The following GBE1 variants were observed in gnomAD, a reference collection of about 807,000 sequenced individuals.
GBE1 encodes 1,4-alpha-glucan branching enzyme 1, also known as 1,4-alpha-glucan-branching enzyme.
GBE1 carries 70 observed loss-of-function variants against 88.8 expected under a neutral mutation model. That is an observed-to-expected ratio of 0.79 (90% confidence interval 0.65 to 0.96). The LOEUF is 0.96. GBE1 is among the 40% of genes least tolerant of loss of function. The pLI is 0.00. For missense variants in GBE1, 872 were observed against 871.0 expected, an observed-to-expected ratio of 1.00 and a Z score of -0.01; for synonymous variants, 284 against 300.1, an observed-to-expected ratio of 0.95 and a Z score of 0.56.
At chr3:81,686,516 G>A (rs1021627041) in intron 2 of GBE1, among the ~76,000 whole-genome samples, 1 of 152,180 alleles carries the variant, frequency 6.6e-6, no homozygotes, top group African/African-American at 2.4e-5. Context: ...CAGCACTTCA[G>A]GAGGCTGAGG....
chr3:81,761,175 G>C (rs1165131408), intron 1 of GBE1, among the ~76,000 whole-genome samples, 200 bp downstream of exon 1: 1 of 152,228 alleles, frequency 6.6e-6, no homozygotes, highest in Non-Finnish European at 1.5e-5. Flanking sequence ...CGCCCGCTCC[G>C]GGCACCAGCG....
chr3:81,715,363 C>T (rs911061243), intron 1 of GBE1, among the ~76,000 whole-genome samples: 7 of 152,150 alleles, frequency 4.6e-5, no homozygotes, highest in Non-Finnish European at 8.8e-5. Flanking sequence ...TCTCACTGTT[C>T]TTCAAAATGA....
Position 81,491,007 on chromosome 3 carries a change from C to T in GBE1, c.2053-544G>A, listed in dbSNP as rs373509667. Among the ~76,000 whole-genome samples, 85 of 152,210 alleles carry T rather than the reference C, an allele frequency of 5.6e-4. 1 individual carries two copies. The South Asian group carries it at 0.014, about 24-fold the overall frequency. ...CTCCATGGCATGCAAAGCCCTGACT[C>T]GCTCCTCCCTGCCTACATCTGGTAT... On this transcript the variant is annotated intron_variant, in intron 15 of 15. Transcript: ENST00000429644.
At chr3:81,711,304 T>G (rs1705862128) in intron 1 of GBE1, among the ~76,000 whole-genome samples, 1 of 152,188 alleles carries the variant, frequency 6.6e-6, no homozygotes, top group Non-Finnish European at 1.5e-5. Context: ...AGGCTTGGAT[T>G]AGAAGCAAGA....
intron 15 of GBE1, among the ~76,000 whole-genome samples, chr3:81,493,025 C>T (rs367882777): frequency 1.3e-5 from 2 of 152,136 alleles, no homozygotes; most frequent in African/African-American, 2.4e-5. Flanking sequence ...CGTGAACCAC[C>T]GCAGCTAGTC....
chr3:81,708,909 C>T (rs1705813191), intron 1 of GBE1, among the ~76,000 whole-genome samples: 1 of 152,078 alleles, frequency 6.6e-6, no homozygotes, highest in Admixed American at 6.6e-5. Context: ...TAGTGTTATT[C>T]AAGGGGACAT....
intron 7 of GBE1, among the ~76,000 whole-genome samples, chr3:81,622,607 A>G (rs1346267831): frequency 6.6e-6 from 1 of 152,162 alleles, no homozygotes; most frequent in African/African-American, 2.4e-5. Flanking sequence ...GTGCCTACTC[A>G]ATATTTCCAC....
At position 81,609,994 on chromosome 3, in the gene GBE1, A is replaced by G. The variant is rs146525223; in HGVS notation, c.993-15971T>C. 8.3e-4 allele frequency among the ~76,000 whole-genome samples: 127 copies of G among 152,338 alleles called. 1 individual carries two copies. The Middle Eastern group carries it at 0.01, about 12-fold the overall frequency. On this transcript the variant is annotated intron_variant, in intron 7 of 15. Transcript: ENST00000429644. The stretch of plus-strand genomic sequence containing the variant: ...GAGTAAAAAGGTATTTAAAATCAAT[A>G]AAGATACAAATGTGAGGAAATAATG...
intron 12 of GBE1, among the ~76,000 whole-genome samples, chr3:81,557,052 A>G (rs924821075): frequency 3.3e-5 from 5 of 152,078 alleles, no homozygotes; most frequent in Non-Finnish European, 7.4e-5. Context: ...CCCTTTCTTA[A>G]ACGATGAAGT....
In GBE1 at chr3:81,591,138, C is replaced by G; in HGVS notation, c.1135G>C (p.Glu379Gln). 1 of 1,604,610 alleles carries G rather than the reference C, an allele frequency of 6.2e-7. No individual in the cohort carries two copies. The highest frequency in any genetic ancestry group is 8.5e-7 in the Non-Finnish European group (1 of 1,174,650). ...VGQGFSGDYS[E>Q]YFGLQVDEDA... ...TCATCTACTTGTAGTCCGAAATATT[C>G]ACTGTAATCACCTGAGAAACCTTGA... Residue 379 changes from glutamate to glutamine, a missense_variant, in exon 9 of 16, where the codon GAA becomes CAA. Transcript: ENST00000429644.
intron 12 of GBE1, among the ~76,000 whole-genome samples, chr3:81,543,700 G>A (rs1703170359): frequency 6.6e-6 from 1 of 152,086 alleles, no homozygotes; most frequent in African/African-American, 2.4e-5. Context: ...ACCCAAATGA[G>A]CCTATAAGTA....
chr3:81,567,670 T>TTTC (rs1703511227), intron 12 of GBE1, among the ~76,000 whole-genome samples: 1 of 152,210 alleles, frequency 6.6e-6, no homozygotes, highest in Non-Finnish European at 1.5e-5. Flanking sequence ...CAAAGACTAT[T>TTTC]ACTAAGACTT....
At chr3:81,547,465 G>A (rs1454444808) in intron 12 of GBE1, among the ~76,000 whole-genome samples, 2 of 151,404 alleles carry the variant, frequency 1.3e-5, no homozygotes, top group African/African-American at 4.8e-5. Context: ...TCCCTCAAAG[G>A]GGAAATTCGA....
chr3:81,528,469 T>C (rs1424827932), intron 14 of GBE1, among the ~76,000 whole-genome samples: 2 of 151,998 alleles, frequency 1.3e-5, no homozygotes, highest in African/African-American at 2.4e-5. Flanking sequence ...TTGGATGAAA[T>C]GTTCTGTAAA....
At chr3:81,656,823 A>G (rs1444468106) in intron 3 of GBE1, among the ~76,000 whole-genome samples, 1 of 152,096 alleles carries the variant, frequency 6.6e-6, no homozygotes, top group East Asian at 1.9e-4. Context: ...TTCAAAATAA[A>G]CATTGCTGAG....
At chr3:81,716,826 T>C (rs1043239880) in intron 1 of GBE1, among the ~76,000 whole-genome samples, 8 of 152,232 alleles carry the variant, frequency 5.3e-5, no homozygotes, top group African/African-American at 1.9e-4. Flanking sequence ...CTTTACAGTT[T>C]ACTGAGGTAT....
chr3:81,558,758 T>A (rs1703382062), intron 12 of GBE1, among the ~76,000 whole-genome samples: 1 of 152,118 alleles, frequency 6.6e-6, no homozygotes. Flanking sequence ...TTTCATTATA[T>A]CCATATAGTA....
At chr3:81,522,789 T>C (rs1035193422) in intron 14 of GBE1, among the ~76,000 whole-genome samples, 1 of 151,472 alleles carries the variant, frequency 6.6e-6, no homozygotes, top group Non-Finnish European at 1.5e-5. Flanking sequence ...ATGTGGGAAA[T>C]AGGTCAACAA....
chr3:81,527,438 A>G (rs1195773652), intron 14 of GBE1, among the ~76,000 whole-genome samples: 3 of 152,194 alleles, frequency 2.0e-5, no homozygotes, highest in Non-Finnish European at 4.4e-5. Context: ...CAGGCAACTT[A>G]CAGAATGGGA....
Sources: allele counts gnomAD v4.1 joint callset (sites outside exome capture counted in the v4.1 genomes callset), GRCh38; gene constraint gnomAD v4.1.1; transcripts MANE v1.5; gene names NCBI Gene and HGNC (gene_info 2026-07-23, HGNC 2026-07-21).